Variants in ZNF471 observed in about 807,000 individuals in gnomAD.
ZNF471 encodes EZFIT-related protein 1.
Under a neutral mutation model 13.7 loss-of-function variants are expected in ZNF471, and 7 were observed. That is an observed-to-expected ratio of 0.51 (90% CI 0.29 to 0.96). ZNF471 has a LOEUF of 0.96. Among genes scored for constraint, ZNF471 ranks in the 40% least tolerant of loss-of-function variants. The pLI is 0.08. For synonymous variants in ZNF471, 218 were observed against 235.6 expected (o/e 0.93, Z 0.68); for missense variants, 663 against 743.3 (o/e 0.89, Z 1.26).
At position 56,528,072 on chromosome 19, in the gene ZNF471, T is replaced by G. The variant is rs2044068747; in HGVS notation, c.*2124T>G. 6.6e-6 allele frequency: 1 copy of G among 151,798 alleles called. No homozygotes were observed. Among genetic ancestry groups the G allele is most frequent in the Admixed American group, 6.6e-5 (1 of 15,252 alleles). 9.4% of individuals were successfully genotyped at this position (151,798 alleles called of 1,614,324 possible). ...GATGAGCTAAGAAAAAAAAAAAGTC[T>G]GTGCATAGTTTTAGTGATACACCAC... is the stretch of plus-strand genomic sequence containing the variant. On this transcript the variant is annotated 3_prime_UTR_variant, in exon 5 of 5. Coordinates refer to ENST00000308031, the MANE Select transcript of ZNF471 (RefSeq NM_020813.4).
Position 56,525,235 on chromosome 19 carries a change from C to T in ZNF471, c.1168C>T (p.Leu390Phe), listed in dbSNP as rs772554706. 6.2e-7 allele frequency: 1 copy of T among 1,614,092 alleles called. No homozygotes were observed. The highest frequency in any genetic ancestry group is 1.1e-5 in the South Asian group (1 of 91,072). The change falls in exon 5 of 5, where the codon CTT (leucine) becomes TTT (phenylalanine). Residue 390 changes from leucine (L) to phenylalanine (F), a missense_variant. Physicochemically the swap from Leu to Phe is conservative, Grantham distance 22. Transcript: ENST00000308031. ...GAAAGCCTTCAGTGTTCACATAGGA[C>T]TTATTCTGCATAGGAGAATTCATAC... ...CGKAFSVHIG[L>F]ILHRRIHTGE...
rs1424833028 is a variant in ZNF471, at chr19:56,510,626, C to T, written c.-55-891C>T. The stretch of plus-strand genomic sequence containing the variant: ...TTGGGGTGCTTGTGATTGTGTCCTC[C>T]GTGTGACCATGAAACCTGTGTTAGT... On this transcript the variant is annotated intron_variant, in intron 1 of 4. Transcript: ENST00000308031. This position sits in a 1 kb window ranked among gnomAD's most constrained non-coding sequence, Gnocchi z 4.3. 6 of 985,542 alleles carry T rather than the reference C, an allele frequency of 6.1e-6. No homozygotes were observed. The highest frequency in any genetic ancestry group is 6.2e-5 in the Admixed American group (1 of 16,238). The allele number at this position is 985,542 out of a possible 1,614,324, so 61.0% of individuals were successfully genotyped here.
chr19:56,524,883 ACAAAGTGAACACCTTATT>A lies in ZNF471; in HGVS notation c.819_836del (p.Ser274_Gln279del). 1.2e-6 allele frequency: 2 copies of A among 1,611,180 alleles called. No individual in the cohort carries two copies. The highest frequency in any genetic ancestry group is 1.7e-6 in the Non-Finnish European group (2 of 1,178,754). Reference sequence around the variant, plus strand: ...GTAAAGAATGTAGGAAAGCCTTCAAACAAAGTGAACACCTTATTCAGCATCAAAGAATTCATACTGGAG... The same window carrying A: ...GTAAAGAATGTAGGAAAGCCTTCAAACAGCATCAAAGAATTCATACTGGAG... On this transcript the variant is annotated inframe_deletion, in exon 5 of 5. Coordinates refer to ENST00000308031, the MANE Select transcript of ZNF471 (RefSeq NM_020813.4). This position sits in a 1 kb window ranked among gnomAD's most constrained non-coding sequence, Gnocchi z 4.8.
At chr19:56,515,195 G>A (rs920757917) in intron 2 of ZNF471, among the ~76,000 whole-genome samples, 1 of 152,014 alleles carries the variant, frequency 6.6e-6, no homozygotes, top group African/African-American at 2.4e-5. Context: ...AGGATCAAAA[G>A]CAGTTTTTTC....
rs1423198993 is a variant in ZNF471 at position 56,522,659 on chromosome 19, AT to A, written c.257-1661del. ...ATCTCTTCAATACAAATTTCTTTAT[AT>A]TTTACTGATAACTTTGTATATATGC... On this transcript the variant is annotated intron_variant, in intron 4 of 4. Coordinates refer to ENST00000308031, the MANE Select transcript of ZNF471 (RefSeq NM_020813.4). This position sits in a 1 kb window ranked among gnomAD's most constrained non-coding sequence, Gnocchi z 4.1. Among the ~76,000 whole-genome samples the A allele has an allele frequency of 6.6e-6, 1 of 151,504 alleles. No homozygotes were observed. Among genetic ancestry groups the A allele is most frequent in the Non-Finnish European group, 1.5e-5 (1 of 67,896 alleles).
Position 56,522,395 on chromosome 19 carries a change from T to C in ZNF471, c.257-1929T>C, listed in dbSNP as rs2043985576. Among the ~76,000 whole-genome samples the C allele has an allele frequency of 6.6e-6, 1 of 152,258 alleles. No homozygotes were observed. The highest frequency in any genetic ancestry group is 1.5e-5 in the Non-Finnish European group (1 of 68,050). Reference sequence around the variant, plus strand: ...TTAATCTTTATCTCACACTTGATTATGTTTTGTATTATCTTCTCAAAACTT... The same window carrying C: ...TTAATCTTTATCTCACACTTGATTACGTTTTGTATTATCTTCTCAAAACTT... On this transcript the variant is annotated intron_variant, in intron 4 of 4. Transcript: ENST00000308031. The surrounding 1 kb of genome is among the most constrained non-coding windows in gnomAD (Gnocchi z 4.1).
In ZNF471 at chr19:56,516,278, T is replaced by G; in HGVS notation, c.37T>G (p.Leu13Val). Residue 13 changes from leucine (L) to valine (V), a missense_variant, in exon 3 of 5, where the codon TTA (leucine) becomes GTA (valine). Transcript: ENST00000308031. This position sits in a 1 kb window ranked among gnomAD's most constrained non-coding sequence, Gnocchi z 4.4. ...VEVVKVMPQDLVTFKDVAIDF... is the reference protein window; with the variant it reads ...VEVVKVMPQDVVTFKDVAIDF... ...AAGAATATATTTGTCACTTCAGGAC[T>G]TAGTGACATTCAAGGATGTGGCAAT... is the stretch of plus-strand genomic sequence containing the variant. 6.2e-7 allele frequency: 1 copy of G among 1,613,362 alleles called. No homozygotes were observed. Among genetic ancestry groups the G allele is most frequent in the Non-Finnish European group, 8.5e-7 (1 of 1,179,526 alleles).
chr19:56,513,009 A>T (rs978969634), intron 2 of ZNF471, among the ~76,000 whole-genome samples: 1 of 152,174 alleles, frequency 6.6e-6, no homozygotes, highest in Non-Finnish European at 1.5e-5. Flanking sequence ...GTTACCTAAC[A>T]TAATTTTCCA....
Position 56,511,728 on chromosome 19 carries a change from A to C in ZNF471, c.33+124A>C, listed in dbSNP as rs887952904. 3.4e-5 allele frequency: 26 copies of C among 754,522 alleles called. No individual in the cohort carries two copies. The African/African-American group carries it at 4.4e-4, about 13-fold the overall frequency. 46.7% of individuals were successfully genotyped at this position (754,522 alleles called of 1,614,324 possible). A position where few individuals can be genotyped will look rare whatever the true frequency, so the allele number is the denominator to read the frequency against. The stretch of plus-strand genomic sequence containing the variant: ...CAGGAGCCTAGTTCCCACTTCTCTC[A>C]GGGGCCACTGTCTTTAACTCTAATT... On this transcript the variant is annotated intron_variant, in intron 2 of 4. Coordinates refer to ENST00000308031, the MANE Select transcript of ZNF471 (RefSeq NM_020813.4).
rs758860513 is a variant in ZNF471 at position 56,526,176 on chromosome 19, C to T, written c.*228C>T. The T allele has an allele frequency of 4.2e-6, 2 of 476,706 alleles. No homozygotes were observed. The highest frequency in any genetic ancestry group is 3.4e-5 in the East Asian group (1 of 29,642). The allele number at this position is 476,706 out of a possible 1,614,324, so 29.5% of individuals were successfully genotyped here. On this transcript the variant is annotated 3_prime_UTR_variant, in exon 5 of 5. Coordinates refer to ENST00000308031, the MANE Select transcript of ZNF471 (RefSeq NM_020813.4). Reference sequence around the variant, plus strand: ...TCCAGCTGAGGTACCTGGCTCATCTCATTGGGACTGGTTAGACAGTGGGTG... The same window carrying T: ...TCCAGCTGAGGTACCTGGCTCATCTTATTGGGACTGGTTAGACAGTGGGTG...
chr19:56,525,338 T>G lies in ZNF471; in HGVS notation c.1271T>G (p.Ile424Ser), dbSNP rs1313130432. 6.8e-6 allele frequency: 11 copies of G among 1,613,966 alleles called. No homozygotes were observed. The highest frequency in any genetic ancestry group is 9.3e-6 in the Non-Finnish European group (11 of 1,179,982). ...SGSSRTVHQR[I>S]HTGEKPYECD... is the part of the protein sequence containing the mutation. ...TCATCCCGTACTGTACATCAGAGAATTCATACAGGAGAGAAACCTTATGAA... is the reference window on the plus strand; with the variant it reads ...TCATCCCGTACTGTACATCAGAGAAGTCATACAGGAGAGAAACCTTATGAA... Residue 424 changes from isoleucine (I) to serine (S), a missense_variant, in exon 5 of 5, where the codon ATT becomes AGT. Coordinates refer to ENST00000308031, the MANE Select transcript of ZNF471 (RefSeq NM_020813.4).
Position 56,516,500 on chromosome 19 carries a change from T to C in ZNF471, c.160+99T>C. The stretch of plus-strand genomic sequence containing the variant: ...TATTATATGTAGGTCAGAATGGAAT[T>C]TGGGAATGGAATCTGAGAAACAGAG... On this transcript the variant is annotated intron_variant, in intron 3 of 4. Transcript: ENST00000308031. The surrounding 1 kb of genome is among the most constrained non-coding windows in gnomAD (Gnocchi z 4.4). The C allele has an allele frequency of 1.8e-6, 2 of 1,129,176 alleles. No individual in the cohort carries two copies. Among genetic ancestry groups the C allele is most frequent in the South Asian group, 3.3e-5 (2 of 60,020 alleles). The allele number at this position is 1,129,176 out of a possible 1,614,324, so 69.9% of individuals were successfully genotyped here. A position where few individuals can be genotyped will look rare whatever the true frequency, so the allele number is the denominator to read the frequency against.
At chr19:56,517,892 G>A (rs570554498) in intron 3 of ZNF471, among the ~76,000 whole-genome samples, 8 of 152,154 alleles carry the variant, frequency 5.3e-5, no homozygotes, top group Non-Finnish European at 8.8e-5. Context: ...TTGTAGTTTC[G>A]TTTCTGAGAT....
At position 56,525,740 on chromosome 19, in the gene ZNF471, T is replaced by G. The variant is rs1330610319; in HGVS notation, c.1673T>G (p.Leu558Arg). ...CGKAFSQTSN[L>R]TQHQRIHTGE... ...AAAGCCTTCAGCCAAACTTCCAATC[T>G]TACTCAACATCAAAGAATTCATACT... Residue 558 changes from leucine to arginine, a missense_variant, in exon 5 of 5, where the codon CTT becomes CGT. Leu to Arg is a moderately radical substitution (Grantham distance 102, BLOSUM62 -2). Coordinates refer to ENST00000308031, the MANE Select transcript of ZNF471 (RefSeq NM_020813.4). 1.2e-6 allele frequency: 2 copies of G among 1,613,684 alleles called. No homozygotes were observed. The highest frequency in any genetic ancestry group is 2.2e-5 in the East Asian group (1 of 44,876).
In ZNF471 at chr19:56,511,520, T is replaced by C; in HGVS notation, c.-52T>C. 6.2e-7 allele frequency: 1 copy of C among 1,612,580 alleles called. No individual in the cohort carries two copies. The highest frequency in any genetic ancestry group is 1.1e-5 in the South Asian group (1 of 90,828). On this transcript the variant is annotated 5_prime_UTR_variant, in exon 2 of 5. Transcript: ENST00000308031. ...TCTAACCTTTCCCTTCCTTCAGCCT[T>C]GCCCTCCCAAGACACTGTTCTTCAA...
chr19:56,509,957 G>T, intron 1 of ZNF471: 1 of 985,552 alleles, frequency 1.0e-6, no homozygotes, highest in Non-Finnish European at 1.2e-6. Context: ...GCTCCCTGGA[G>T]TCTGAGAAAG....
At chr19:56,523,534 CATT>C (rs957298286) in intron 4 of ZNF471, among the ~76,000 whole-genome samples, 2 of 152,048 alleles carry the variant, frequency 1.3e-5, no homozygotes, top group African/African-American at 4.8e-5. Flanking sequence ...ACCATTTTCA[CATT>C]ATGAAAAGAT....
chr19:56,512,153 A>G (rs2043820531), intron 2 of ZNF471, among the ~76,000 whole-genome samples: 1 of 149,902 alleles, frequency 6.7e-6, no homozygotes, highest in African/African-American at 2.5e-5. Context: ...TTGACATGGT[A>G]CAAAATTTAC....
Position 56,516,485 on chromosome 19 carries a change from A to G in ZNF471, c.160+84A>G. ...TATTAAATTTGCTTTTATTATATGT[A>G]GGTCAGAATGGAATTTGGGAATGGA... On this transcript the variant is annotated intron_variant, in intron 3 of 4. Coordinates refer to ENST00000308031, the MANE Select transcript of ZNF471 (RefSeq NM_020813.4). This position sits in a 1 kb window ranked among gnomAD's most constrained non-coding sequence, Gnocchi z 4.4. The G allele has an allele frequency of 3.9e-6, 5 of 1,286,606 alleles. No individual in the cohort carries two copies. The highest frequency in any genetic ancestry group is 5.3e-6 in the Non-Finnish European group (5 of 941,026). The allele number at this position is 1,286,606 out of a possible 1,614,324, so 79.7% of individuals were successfully genotyped here.
Sources: allele counts gnomAD v4.1 joint callset (sites outside exome capture counted in the v4.1 genomes callset), GRCh38; gene constraint gnomAD v4.1.1; non-coding constraint Gnocchi (gnomAD v3.1); transcripts MANE v1.5; gene names NCBI Gene and HGNC (gene_info 2026-07-23, HGNC 2026-07-21).